Variants in GNL1 observed in about 807,000 individuals in gnomAD.
GNL1 encodes the protein guanine nucleotide-binding protein-like 1.
In GNL1, 21 loss-of-function variants were observed where a neutral mutation model predicts 75.2. The ratio of observed to expected loss-of-function variants is 0.28; its 90% confidence interval spans 0.20 to 0.40. The LOEUF is 0.40. GNL1 is among the 10% of genes least tolerant of loss of function. The probability of loss-of-function intolerance (pLI) is 1.00; values close to 1 mark genes in which losing one functional copy is unlikely to be tolerated. For missense variants in GNL1, 579 were observed against 775.0 expected (o/e 0.75, Z 3.00); for synonymous variants, 287 against 303.4 (o/e 0.95, Z 0.56).
Position 30,544,821 on chromosome 6 carries a change from T to C in GNL1, c.*1251A>G, listed in dbSNP as rs1799359287. 1.3e-5 allele frequency: 2 copies of C among 152,146 alleles called. No individual in the cohort carries two copies. The highest frequency in any genetic ancestry group is 2.4e-5 in the African/African-American group (1 of 41,426). 9.4% of individuals were successfully genotyped at this position (152,146 alleles called of 1,614,324 possible). A position where few individuals can be genotyped will look rare whatever the true frequency, so the allele number is the denominator to read the frequency against. The stretch of plus-strand genomic sequence containing the variant: ...ACTCAGATCCTGAAAGGATCTGCTT[T>C]AGAGAAAAAAGGAGTCTGGTACTTC... On this transcript the variant is annotated 3_prime_UTR_variant, in exon 12 of 12. Coordinates refer to ENST00000376621, the MANE Select transcript of GNL1 (RefSeq NM_005275.5).
Position 30,556,209 on chromosome 6 carries a change from G to C in GNL1, c.-6C>G. 1.2e-6 allele frequency: 2 copies of C among 1,603,234 alleles called. No homozygotes were observed. The highest frequency in any genetic ancestry group is 2.2e-5 in the East Asian group (1 of 44,848). ...AATGGCTTCTTCCTCGGCATGGCCCGGACCAGTCACCTGGCCCGCCCTCCG... is the reference window on the plus strand; with the variant it reads ...AATGGCTTCTTCCTCGGCATGGCCCCGACCAGTCACCTGGCCCGCCCTCCG... On this transcript the variant is annotated 5_prime_UTR_variant, in exon 1 of 12. Coordinates refer to ENST00000376621, the MANE Select transcript of GNL1 (RefSeq NM_005275.5). The surrounding 1 kb of genome is among the most constrained non-coding windows in gnomAD (Gnocchi z 5.7).
rs1799823409 is a variant in GNL1 at position 30,552,155 on chromosome 6, C to T, written c.1099+312G>A. Reference sequence around the variant, plus strand: ...CTGGGACTATATAGGCATGAGCCCTCACACATGGCCGTCATCCATTCTTTT... The same window carrying T: ...CTGGGACTATATAGGCATGAGCCCTTACACATGGCCGTCATCCATTCTTTT... On this transcript the variant is annotated intron_variant, in intron 8 of 11. Coordinates refer to ENST00000376621, the MANE Select transcript of GNL1 (RefSeq NM_005275.5). The surrounding 1 kb of genome is among the most constrained non-coding windows in gnomAD (Gnocchi z 4.5). The T allele has an allele frequency of 2.7e-6, 1 of 370,172 alleles. No homozygotes were observed. The highest frequency in any genetic ancestry group is 4.9e-6 in the Non-Finnish European group (1 of 204,910). The allele number at this position is 370,172 out of a possible 1,614,324, so 22.9% of individuals were successfully genotyped here.
Position 30,546,582 on chromosome 6 carries a change from C to A in GNL1, c.1582+114G>T. On this transcript the variant is annotated intron_variant, in intron 11 of 11. Transcript: ENST00000376621. The surrounding 1 kb of genome is among the most constrained non-coding windows in gnomAD (Gnocchi z 5.1). Reference sequence around the variant, plus strand: ...GGAAAATATCACAGATGTTAAGTAACAGAGCTAGCCAACAGGTACAGAATC... The same window carrying A: ...GGAAAATATCACAGATGTTAAGTAAAAGAGCTAGCCAACAGGTACAGAATC... 1 of 861,592 alleles carries A rather than the reference C, an allele frequency of 1.2e-6. No homozygotes were observed. The highest frequency in any genetic ancestry group is 1.7e-5 in the South Asian group (1 of 60,218). 53.4% of individuals were successfully genotyped at this position (861,592 alleles called of 1,614,324 possible).
chr6:30,556,072 C>T lies in GNL1; in HGVS notation c.73+59G>A. The T allele has an allele frequency of 6.3e-7, 1 of 1,576,108 alleles. No individual in the cohort carries two copies. The highest frequency in any genetic ancestry group is 8.6e-7 in the Non-Finnish European group (1 of 1,158,814). The stretch of plus-strand genomic sequence containing the variant: ...TCCCCAGAGGTGCAGCGGGCACACC[C>T]CTCCTTCCAGATGTGCGGAAGCCCG... On this transcript the variant is annotated intron_variant, in intron 1 of 11. Coordinates refer to ENST00000376621, the MANE Select transcript of GNL1 (RefSeq NM_005275.5). This position sits in a 1 kb window ranked among gnomAD's most constrained non-coding sequence, Gnocchi z 5.7.
rs546123859 is a variant in GNL1 at position 30,548,757 on chromosome 6, G to A, written c.1100-1227C>T. The stretch of plus-strand genomic sequence containing the variant: ...TTACAACACATGCAAGTATCTAGGA[G>A]GAAGGGAGGGAAGGAGGGAGAAAAA... On this transcript the variant is annotated intron_variant, in intron 8 of 11. Transcript: ENST00000376621. The surrounding 1 kb of genome is among the most constrained non-coding windows in gnomAD (Gnocchi z 4.2). Among the ~76,000 whole-genome samples the A allele has an allele frequency of 3.3e-3, 498 of 152,240 alleles. 3 individuals carry two copies. The highest frequency in any genetic ancestry group is 0.011 in the African/African-American group (453 of 41,542).
At position 30,554,753 on chromosome 6, in the gene GNL1, T is replaced by A. The variant is rs1347403185; in HGVS notation, c.528+11A>T. The A allele has an allele frequency of 6.2e-7, 1 of 1,612,568 alleles. No individual in the cohort carries two copies. The highest frequency in any genetic ancestry group is 1.7e-5 in the Admixed American group (1 of 60,002). ...CTATGCCCCACTCCTGTCCCTAGAG[T>A]ACACTGTCACCTCCAGATTGTGCTC... On this transcript the variant is annotated intron_variant, in intron 4 of 11. Transcript: ENST00000376621.
In GNL1 at chr6:30,552,407, C is replaced by T. The variant is rs1221005182; in HGVS notation, c.1099+60G>A. ...AGACCTGATCGCCCTCTCTCTTCTC[C>T]GAATATGAAAACTCTGTACCTCCTT... On this transcript the variant is annotated intron_variant, in intron 8 of 11. Transcript: ENST00000376621. This position sits in a 1 kb window ranked among gnomAD's most constrained non-coding sequence, Gnocchi z 4.5. 73 of 1,418,096 alleles carry T rather than the reference C, an allele frequency of 5.1e-5. No individual in the cohort carries two copies. Among genetic ancestry groups the T allele is most frequent in the Middle Eastern group, 1.8e-4 (1 of 5,536 alleles). 87.8% of individuals were successfully genotyped at this position (1,418,096 alleles called of 1,614,324 possible). A position where few individuals can be genotyped will look rare whatever the true frequency, so the allele number is the denominator to read the frequency against.
chr6:30,553,123 G>T lies in GNL1; in HGVS notation c.865C>A (p.Gln289Lys). Residue 289 changes from glutamine (Q) to lysine (K), a missense_variant, in exon 7 of 12, where the codon CAG becomes AAG. Coordinates refer to ENST00000376621, the MANE Select transcript of GNL1 (RefSeq NM_005275.5). ...RGWTRALGPEQLLRACEAITV... is the reference protein window; with the variant it reads ...RGWTRALGPEKLLRACEAITV... ...ATGGCTTCACAGGCTCTCAGCAACT[G>T]CTCTGGCCCCAGGGCCCGAGTCCAT... 6.2e-7 allele frequency: 1 copy of T among 1,613,712 alleles called. No homozygotes were observed. Among genetic ancestry groups the T allele is most frequent in the Non-Finnish European group, 8.5e-7 (1 of 1,179,672 alleles).
intron 8 of GNL1, among the ~76,000 whole-genome samples, chr6:30,549,025 T>C (rs375973253): frequency 2.6e-4 from 39 of 151,808 alleles, no homozygotes; most frequent in African/African-American, 8.5e-4. Flanking sequence ...TGAGACAGAG[T>C]CTCACTCCCT....
rs756898549 is a variant in GNL1 at position 30,555,025 on chromosome 6, C to T, written c.376+30G>A. On this transcript the variant is annotated intron_variant, in intron 3 of 11. Transcript: ENST00000376621. This position sits in a 1 kb window ranked among gnomAD's most constrained non-coding sequence, Gnocchi z 4.3. ...CTTTTACCTTTCCAAACTCCTTCCC[C>T]AGCCCAATGCCTGTCTTGCTCTCAC... The T allele has an allele frequency of 1.9e-6, 3 of 1,612,674 alleles. No homozygotes were observed. The African/African-American group carries it at 4.0e-5, about 22-fold the overall frequency.
chr6:30,546,283 T>C lies in GNL1; in HGVS notation c.1613A>G (p.Glu538Gly). 1 of 1,594,926 alleles carries C rather than the reference T, an allele frequency of 6.3e-7. No homozygotes were observed. ...CACCCTGCCCTGCAAAACCACCAGC[T>C]CCGTGGTCTCTGGATGGGACTCCCA... ...GTWESHPETT[E>G]LVVLQGRVGP... The change falls in exon 12 of 12, where the codon GAG becomes GGG. Residue 538 changes from glutamate (E) to glycine (G), a missense_variant. Transcript: ENST00000376621. The surrounding 1 kb of genome is among the most constrained non-coding windows in gnomAD (Gnocchi z 5.1).
chr6:30,547,328 C>T lies in GNL1; in HGVS notation c.1278+24G>A. The stretch of plus-strand genomic sequence containing the variant: ...CTCAATGTCCCACCTTCTCTCTTTC[C>T]CTTACCCACCCTCCCCGTCATACCT... On this transcript the variant is annotated intron_variant, in intron 9 of 11. Coordinates refer to ENST00000376621, the MANE Select transcript of GNL1 (RefSeq NM_005275.5). The surrounding 1 kb of genome is among the most constrained non-coding windows in gnomAD (Gnocchi z 5.5). 2.5e-6 allele frequency: 4 copies of T among 1,585,382 alleles called. No individual in the cohort carries two copies. Among genetic ancestry groups the T allele is most frequent in the Non-Finnish European group, 3.4e-6 (4 of 1,165,380 alleles).
Position 30,552,629 on chromosome 6 carries a change from G to A in GNL1, c.937C>T (p.Arg313Trp), listed in dbSNP as rs1331075834. The A allele has an allele frequency of 2.5e-6, 4 of 1,613,702 alleles. No homozygotes were observed. Among genetic ancestry groups the A allele is most frequent in the Admixed American group, 1.7e-5 (1 of 59,960 alleles). The change falls in exon 8 of 12, where the codon CGG (arginine) becomes TGG (tryptophan). Residue 313 changes from arginine (R) to tryptophan (W), a missense_variant. Transcript: ENST00000376621. The surrounding 1 kb of genome is among the most constrained non-coding windows in gnomAD (Gnocchi z 4.5). ...DLSSWREKIA[R>W]DVAGATWGNG... ...CCCCAGGTGGCCCCAGCCACATCCCGAGCAATCTTCTCCCGCCAGCTGCTC... is the reference window on the plus strand; with the variant it reads ...CCCCAGGTGGCCCCAGCCACATCCCAAGCAATCTTCTCCCGCCAGCTGCTC...
In GNL1 at chr6:30,546,110, G is replaced by C. The variant is rs1196696461; in HGVS notation, c.1786C>G (p.Arg596Gly). ...TCACCCAGCAGGGCATAAGGGTTTC[G>C]GCCAGCCAGGCTGGACCCTGGAGCC... The part of the protein sequence containing the change: ...TSAPGSSLAG[R>G]NPYALLGEDE... The change falls in exon 12 of 12, where the codon CGA becomes GGA. Residue 596 changes from arginine to glycine, a missense_variant. Arg to Gly is a moderately radical substitution (Grantham distance 125). Transcript: ENST00000376621. This position sits in a 1 kb window ranked among gnomAD's most constrained non-coding sequence, Gnocchi z 5.1. 1.6e-5 allele frequency: 26 copies of C among 1,580,086 alleles called. No homozygotes were observed. Among genetic ancestry groups the C allele is most frequent in the Non-Finnish European group, 2.1e-5 (25 of 1,163,580 alleles).
At chr6:30,551,807 G>A (rs540871802) in intron 8 of GNL1, among the ~76,000 whole-genome samples, 1 of 152,044 alleles carries the variant, frequency 6.6e-6, no homozygotes, top group African/African-American at 2.4e-5. Context: ...TGTTATTATT[G>A]TTATCACTAT....
In GNL1 at chr6:30,555,016, C is replaced by A; in HGVS notation, c.376+39G>T. Reference sequence around the variant, plus strand: ...CACAGTCGGCTTTTACCTTTCCAAACTCCTTCCCCAGCCCAATGCCTGTCT... The same window carrying A: ...CACAGTCGGCTTTTACCTTTCCAAAATCCTTCCCCAGCCCAATGCCTGTCT... On this transcript the variant is annotated intron_variant, in intron 3 of 11. Transcript: ENST00000376621. This position sits in a 1 kb window ranked among gnomAD's most constrained non-coding sequence, Gnocchi z 4.3. The A allele has an allele frequency of 6.2e-7, 1 of 1,612,556 alleles. No individual in the cohort carries two copies. The highest frequency in any genetic ancestry group is 8.5e-7 in the Non-Finnish European group (1 of 1,179,698).
rs1268740922 is a variant in GNL1, at chr6:30,553,536, G to A, written c.622C>T (p.Leu208Phe). Residue 208 changes from leucine to phenylalanine, a missense_variant, in exon 6 of 12, where the codon CTT becomes TTT. Transcript: ENST00000376621. ...RHPVVNFPPA[L>F]YEYVTGELGL... ...AGTTCTCCAGTCACATACTCATAAA[G>A]TGCTGGCGGGAAATTCACAACCTAG... 8 of 1,612,416 alleles carry A rather than the reference G, an allele frequency of 5.0e-6. No individual in the cohort carries two copies. The highest frequency in any genetic ancestry group is 1.6e-4 in the Middle Eastern group (1 of 6,082).
Position 30,554,814 on chromosome 6 carries a change from G to C in GNL1, c.478C>G (p.His160Asp). Reference protein sequence around the residue: ...RSFQDYLGKIHGAYSSEKLSY... With the variant: ...RSFQDYLGKIDGAYSSEKLSY... The stretch of plus-strand genomic sequence containing the variant: ...AGTTTCTCAGAGGAGTAAGCCCCAT[G>C]AATCTTCCCAAGATAGTCTTGGAAG... Residue 160 changes from histidine to aspartate, a missense_variant, in exon 4 of 12, where the codon CAT (histidine) becomes GAT (aspartate). Transcript: ENST00000376621. The C allele has an allele frequency of 6.2e-7, 1 of 1,612,824 alleles. No individual in the cohort carries two copies. The highest frequency in any genetic ancestry group is 8.5e-7 in the Non-Finnish European group (1 of 1,179,848).
rs1799439990 is a variant in GNL1, at chr6:30,546,213, G to A, written c.1683C>T (p.Ser561=). Residue 561 remains serine, a synonymous_variant, in exon 12 of 12, where the codon AGC becomes AGT. Transcript: ENST00000376621. This position sits in a 1 kb window ranked among gnomAD's most constrained non-coding sequence, Gnocchi z 5.1. ...CCTCTCCCTCCTCCTCACAGGAGCT[G>A]CTCAGCTCTTCCTCTTCCTCCTCCT... is the stretch of plus-strand genomic sequence containing the variant. ...DEEEEEEEEL[S]SSCEEEGEED... 6.5e-7 allele frequency: 1 copy of A among 1,548,852 alleles called. No homozygotes were observed. Among genetic ancestry groups the A allele is most frequent in the East Asian group, 2.4e-5 (1 of 42,342 alleles).
Sources: gnomAD v4.1 joint callset for allele counts (sites outside exome capture counted in the v4.1 genomes callset) on GRCh38, gnomAD v4.1.1 for gene constraint, Gnocchi (gnomAD v3.1) non-coding constraint, MANE v1.5 for transcripts, NCBI Gene and HGNC (gene_info 2026-07-23, HGNC 2026-07-21) for gene names.